STPG2: variants seen among roughly 807,000 people sequenced by gnomAD.
STPG2 encodes sperm tail PG-rich repeat containing 2.
Under a neutral mutation model 54.2 loss-of-function variants are expected in STPG2, and 56 were observed. That is an observed-to-expected ratio of 1.03 (90% CI 0.83 to 1.29). The LOEUF is 1.29. Ranked by LOEUF, STPG2 falls within the 50% of genes most tolerant of loss-of-function variation. STPG2 has a pLI of 0.00. For missense variants in STPG2, 596 were observed against 544.9 expected (o/e 1.09, Z -0.93); for synonymous variants, 200 against 181.8 (o/e 1.10, Z -0.81).
chr4:97,950,603 G>A (rs1733428860), intron 7 of STPG2, among the ~76,000 whole-genome samples: 1 of 151,986 alleles, frequency 6.6e-6, no homozygotes, highest in Non-Finnish European at 1.5e-5. Flanking sequence ...ATTTCATCTT[G>A]GTTTGGATCT....
At chr4:98,031,413 T>C (rs1390667681) in intron 5 of STPG2, among the ~76,000 whole-genome samples, 1 of 152,138 alleles carries the variant, frequency 6.6e-6, no homozygotes, top group Non-Finnish European at 1.5e-5. Context: ...GCATGGTGGC[T>C]CACACCTGTA....
At chr4:97,600,721 T>A (rs766865336) in intron 10 of STPG2, among the ~76,000 whole-genome samples, 5 of 152,080 alleles carry the variant, frequency 3.3e-5, no homozygotes, top group Non-Finnish European at 7.4e-5. Flanking sequence ...AGGCTATGCA[T>A]ATGCATAGTG....
At chr4:97,502,282 G>A (rs1730742473) in intron 4 of STPG2, among the ~76,000 whole-genome samples, 1 of 151,618 alleles carries the variant, frequency 6.6e-6, no homozygotes, top group African/African-American at 2.4e-5. Context: ...GTGCGTCCCT[G>A]ATAAAAAAAA....
intron 2 of STPG2, among the ~76,000 whole-genome samples, chr4:98,131,200 A>C (rs956817302): frequency 6.6e-6 from 1 of 152,014 alleles, no homozygotes; most frequent in Non-Finnish European, 1.5e-5. Context: ...GATCAGGTCC[A>C]ATTTGTTTCC....
At chr4:97,853,695 A>G (rs1369370635) in intron 8 of STPG2, among the ~76,000 whole-genome samples, 1 of 152,204 alleles carries the variant, frequency 6.6e-6, no homozygotes, top group Non-Finnish European at 1.5e-5. Flanking sequence ...AATTGTGAAT[A>G]TCCTTACTTC....
chr4:97,691,738 C>G (rs763461326), intron 10 of STPG2, among the ~76,000 whole-genome samples: 1 of 152,078 alleles, frequency 6.6e-6, no homozygotes, highest in Non-Finnish European at 1.5e-5. Flanking sequence ...GGAGGCAAAA[C>G]GATACAAAAC....
At chr4:98,123,090 CTTCTT>C (rs1417975847) in intron 3 of STPG2, among the ~76,000 whole-genome samples, 1 of 151,844 alleles carries the variant, frequency 6.6e-6, no homozygotes, top group Non-Finnish European at 1.5e-5. Flanking sequence ...TCTCTCTTTT[CTTCTT>C]TGTTATTCTA....
At chr4:97,984,784 T>C (rs1225186644) in intron 5 of STPG2, among the ~76,000 whole-genome samples, 1 of 146,668 alleles carries the variant, frequency 6.8e-6, no homozygotes, top group Admixed American at 7.1e-5. Context: ...AAGTCTCAAT[T>C]TGCAACATTT....
At chr4:97,907,640 A>G (rs556288949) in intron 8 of STPG2, among the ~76,000 whole-genome samples, 1 of 152,290 alleles carries the variant, frequency 6.6e-6, no homozygotes, top group South Asian at 2.1e-4. Flanking sequence ...ACAGTAACCA[A>G]AACAGCATGG....
intron 10 of STPG2, among the ~76,000 whole-genome samples, chr4:97,608,559 G>C (rs568966229): frequency 6.6e-6 from 1 of 152,014 alleles, no homozygotes; most frequent in Non-Finnish European, 1.5e-5. Context: ...TGCCTAAAAT[G>C]TTGAAATGTA....
At chr4:97,871,827 T>C (rs934041679) in intron 8 of STPG2, among the ~76,000 whole-genome samples, 3 of 151,100 alleles carry the variant, frequency 2.0e-5, no homozygotes, top group African/African-American at 7.3e-5. Flanking sequence ...TTAAATCTTA[T>C]AAATGTGATA....
chr4:97,705,827 A>G (rs1007406064), intron 10 of STPG2, among the ~76,000 whole-genome samples: 6 of 152,004 alleles, frequency 3.9e-5, no homozygotes, highest in Non-Finnish European at 8.8e-5. Context: ...AGCCTATACC[A>G]TACTAGGATC....
At chr4:97,888,099 C>G (rs930775493) in intron 8 of STPG2, among the ~76,000 whole-genome samples, 1 of 152,230 alleles carries the variant, frequency 6.6e-6, no homozygotes, top group Non-Finnish European at 1.5e-5. Context: ...GCCCTGGTGT[C>G]CAGTCAGAAG....
intron 4 of STPG2, among the ~76,000 whole-genome samples, chr4:97,544,941 G>A (rs943671036): frequency 4.6e-5 from 7 of 152,048 alleles, no homozygotes; most frequent in Non-Finnish European, 1.0e-4. Flanking sequence ...CTGGTACTAC[G>A]AATGACATAA....
At chr4:97,789,588 A>G (rs1389070358) in intron 9 of STPG2, among the ~76,000 whole-genome samples, 2 of 152,196 alleles carry the variant, frequency 1.3e-5, no homozygotes, top group Non-Finnish European at 2.9e-5. Context: ...CACTTACTAT[A>G]TTCAAATTTT....
At chr4:97,479,248 G>A (rs552644356) in intron 4 of STPG2, among the ~76,000 whole-genome samples, 8 of 151,380 alleles carry the variant, frequency 5.3e-5, no homozygotes, top group South Asian at 2.1e-4. Flanking sequence ...ATCACTGATC[G>A]TATATATGGG....
At chr4:97,645,458 G>T (rs1721885696) in intron 10 of STPG2, among the ~76,000 whole-genome samples, 1 of 152,150 alleles carries the variant, frequency 6.6e-6, no homozygotes, top group African/African-American at 2.4e-5. Context: ...TATTCTAAGA[G>T]ACTGCGGCTA....
At chr4:97,517,743 C>T (rs894345183) in intron 4 of STPG2, among the ~76,000 whole-genome samples, 39 of 151,968 alleles carry the variant, frequency 2.6e-4, no homozygotes, top group Admixed American at 1.7e-3. Context: ...ATTTGACAAA[C>T]CACATTACTA....
chr4:97,777,241 C>T (rs542933489), intron 9 of STPG2, among the ~76,000 whole-genome samples: 156 of 152,294 alleles, frequency 1.0e-3, no homozygotes, highest in Non-Finnish European at 1.5e-3. Context: ...CAGCTTATAG[C>T]TTATACTTAA....
Sources: gnomAD v4.1 joint callset for allele counts (sites outside exome capture counted in the v4.1 genomes callset) on GRCh38, gnomAD v4.1.1 for gene constraint, MANE v1.5 for transcripts, NCBI Gene and HGNC (gene_info 2026-07-23, HGNC 2026-07-21) for gene names.